The following SDK1 variants were observed in gnomAD, a reference collection of about 807,000 sequenced individuals.
SDK1 encodes protein sidekick-1.
In SDK1, 157 loss-of-function variants were observed where a neutral mutation model predicts 245.5. That is an observed-to-expected ratio of 0.64 (90% confidence interval 0.56 to 0.73). SDK1 has a LOEUF of 0.73. Among genes scored for constraint, SDK1 ranks in the 30% least tolerant of loss-of-function variants. The pLI, the probability that SDK1 is intolerant of heterozygous loss-of-function variation, is 0.00. For synonymous variants in SDK1, 1,647 were observed against 1,278.5 expected (o/e 1.29, Z -6.15); for missense variants, 3,583 against 3,002.3 (o/e 1.19, Z -4.52).
intron 38 of SDK1, among the ~76,000 whole-genome samples, chr7:4,217,394 CA>C (rs1451858171): frequency 8.5e-6 from 1 of 117,038 alleles, no homozygotes; most frequent in Non-Finnish European, 1.7e-5. Flanking sequence ...CGGAGCACCA[CA>C]CCACCCGGAG....
intron 5 of SDK1, among the ~76,000 whole-genome samples, chr7:3,906,286 C>G (rs1010214592): frequency 6.6e-6 from 1 of 152,020 alleles, no homozygotes; most frequent in Non-Finnish European, 1.5e-5. Context: ...TCATTTTTAA[C>G]TTATTTTGTA....
intron 1 of SDK1, among the ~76,000 whole-genome samples, chr7:3,546,307 C>T (rs1779223760): frequency 6.6e-6 from 1 of 152,170 alleles, no homozygotes. Context: ...CTCCATGCTC[C>T]CTAATAACCA....
intron 4 of SDK1, among the ~76,000 whole-genome samples, chr7:3,710,013 C>T (rs929509427): frequency 6.6e-6 from 1 of 152,174 alleles, no homozygotes; most frequent in African/African-American, 2.4e-5. Flanking sequence ...AATTATTTGA[C>T]ATATTACTTG....
intron 38 of SDK1, among the ~76,000 whole-genome samples, chr7:4,211,935 T>C (rs896769515): frequency 3.3e-5 from 5 of 152,296 alleles, no homozygotes; most frequent in Non-Finnish European, 7.3e-5. Flanking sequence ...TCCAGTGCCT[T>C]CTGTGTCCCT....
At chr7:3,787,989 G>A (rs192194582) in intron 4 of SDK1, among the ~76,000 whole-genome samples, 24 of 152,272 alleles carry the variant, frequency 1.6e-4, no homozygotes, top group Middle Eastern at 3.4e-3. Context: ...TAGAGAGCCC[G>A]TGGGAGGACC....
At chr7:4,045,600 C>T (rs1788963752) in intron 17 of SDK1, among the ~76,000 whole-genome samples, 1 of 152,114 alleles carries the variant, frequency 6.6e-6, no homozygotes, top group Non-Finnish European at 1.5e-5. Flanking sequence ...TACCCGGGGG[C>T]AGGATTACCG....
chr7:3,888,358 A>C (rs1781383969), intron 5 of SDK1, among the ~76,000 whole-genome samples: 2 of 152,298 alleles, frequency 1.3e-5, no homozygotes, highest in African/African-American at 2.4e-5. Flanking sequence ...TCGGGGTGGA[A>C]CCAGAAATGG....
chr7:3,964,860 A>AG (rs1192577219), intron 9 of SDK1, among the ~76,000 whole-genome samples: 2 of 152,198 alleles, frequency 1.3e-5, no homozygotes, highest in Non-Finnish European at 2.9e-5. Flanking sequence ...TCGGTGAACT[A>AG]GGGGTCCCTT....
At chr7:3,850,864 AGGGGGAG>A (rs1017338220) in intron 5 of SDK1, among the ~76,000 whole-genome samples, 5 of 79,418 alleles carry the variant, frequency 6.3e-5, no homozygotes, top group Non-Finnish European at 1.0e-4. Flanking sequence ...GTTGTGGGGT[AGGGGGAG>A]GGGGGAGGGA....
intron 2 of SDK1, among the ~76,000 whole-genome samples, chr7:3,620,559 T>G (rs1403557311): frequency 6.6e-6 from 1 of 152,330 alleles, no homozygotes; most frequent in African/African-American, 2.4e-5. Context: ...TGCCTTGGCC[T>G]GCCAGATTGC....
At chr7:4,214,803 A>T (rs1035909512) in intron 38 of SDK1, among the ~76,000 whole-genome samples, 66 of 152,254 alleles carry the variant, frequency 4.3e-4, no homozygotes, top group African/African-American at 1.6e-3. Flanking sequence ...CTTCCTCTAG[A>T]CATGACACCT....
chr7:4,167,558 T>C (rs1456661233), intron 32 of SDK1, among the ~76,000 whole-genome samples: 9 of 152,182 alleles, frequency 5.9e-5, no homozygotes, highest in African/African-American at 2.2e-4. Flanking sequence ...TCCACACAGA[T>C]GGCCAAGCCA....
chr7:3,485,687 T>G (rs112694270), intron 1 of SDK1, among the ~76,000 whole-genome samples: 1 of 134,636 alleles, frequency 7.4e-6, no homozygotes, highest in African/African-American at 3.0e-5. Flanking sequence ...TGGAGGGTTT[T>G]TTTTTTTTTT....
chr7:3,878,928 C>T (rs1449761552), intron 5 of SDK1, among the ~76,000 whole-genome samples: 1 of 152,108 alleles, frequency 6.6e-6, no homozygotes, highest in Non-Finnish European at 1.5e-5. Flanking sequence ...GTGTAATCGC[C>T]ACTCAGGTCA....
chr7:4,055,678 T>G (rs1228926299), intron 19 of SDK1, among the ~76,000 whole-genome samples: 1 of 152,018 alleles, frequency 6.6e-6, no homozygotes, highest in East Asian at 1.9e-4. Context: ...TTGCTTTGAG[T>G]GTATTTTGCT....
chr7:4,010,106 A>G (rs1458505395), intron 14 of SDK1, among the ~76,000 whole-genome samples: 2 of 152,356 alleles, frequency 1.3e-5, no homozygotes, highest in South Asian at 2.1e-4. Context: ...CGATTTCCAG[A>G]AGAATTTCCC....
rs111874113 is a variant in SDK1 at position 3,378,713 on chromosome 7, G to C, written c.298+76829G>C. Among the ~76,000 whole-genome samples, 646 of 152,130 alleles carry C rather than the reference G, an allele frequency of 4.2e-3. 11 individuals are homozygous for C. The highest frequency in any genetic ancestry group is 0.018 in the South Asian group (86 of 4,816). ...GTAAGGATCTGCAACTCAGCGTTGC[G>C]TGAAGGTTCTCACGCAGGAGCTCAG... On this transcript the variant is annotated intron_variant, in intron 1 of 44. Transcript: ENST00000404826.
chr7:3,338,947 C>A (rs1276980552), intron 1 of SDK1, among the ~76,000 whole-genome samples: 1 of 152,124 alleles, frequency 6.6e-6, no homozygotes, highest in Non-Finnish European at 1.5e-5. Context: ...AAATGGCAGG[C>A]TTAGGCTTGT....
At chr7:3,649,584 A>G (rs1049831508) in intron 4 of SDK1, among the ~76,000 whole-genome samples, 1 of 152,078 alleles carries the variant, frequency 6.6e-6, no homozygotes, top group Non-Finnish European at 1.5e-5. Context: ...ATCCTTAATA[A>G]TAATAATAAT....
Sources: allele counts gnomAD v4.1 joint callset (sites outside exome capture counted in the v4.1 genomes callset), GRCh38; gene constraint gnomAD v4.1.1; transcripts MANE v1.5; gene names NCBI Gene and HGNC (gene_info 2026-07-23, HGNC 2026-07-21).